The following NCSTN variants were observed in gnomAD, a reference collection of about 807,000 sequenced individuals.
The protein encoded by NCSTN is anterior pharynx-defective 2.
A neutral mutation model predicts 87.0 loss-of-function variants in NCSTN; 22 were observed. The observed-to-expected ratio is 0.25, with a 90% confidence interval of 0.18 to 0.36. The LOEUF is 0.36. NCSTN is among the 10% of genes least tolerant of loss of function. The pLI is 1.00. For synonymous variants in NCSTN, 306 were observed against 327.1 expected, an observed-to-expected ratio of 0.94 and a Z score of 0.69; for missense variants, 693 against 883.3, an observed-to-expected ratio of 0.78 and a Z score of 2.73.
In NCSTN at chr1:160,357,167, A is replaced by G; in HGVS notation, c.1921A>G (p.Ser641Gly). Residue 641 changes from serine (S) to glycine (G), a missense_variant, in exon 16 of 17, where the codon AGC (serine) becomes GGC (glycine). Ser to Gly is a moderately conservative substitution (Grantham distance 56, BLOSUM62 0). Transcript: ENST00000294785. The stretch of plus-strand genomic sequence containing the variant: ...TCCTGCCTTTGAACTGAGTCAGTGG[A>G]GCTCTACTGAATACTCTACATGGAC... ...LSPAFELSQW[S>G]STEYSTWTES... 6.2e-7 allele frequency: 1 copy of G among 1,614,038 alleles called. No homozygotes were observed. Among genetic ancestry groups the G allele is most frequent in the Non-Finnish European group, 8.5e-7 (1 of 1,180,000 alleles).
At chr1:160,357,384 T>C in intron 16 of NCSTN, 131 bp downstream of exon 16, 1 of 975,416 alleles carries the variant, frequency 1.0e-6, no homozygotes, top group African/African-American at 1.6e-5. Context: ...AATCTGTCCC[T>C]GGTCAGCCAG....
At position 160,352,177 on chromosome 1, in the gene NCSTN, C is replaced by T. The variant is rs199974273; in HGVS notation, c.967C>T (p.Arg323Cys). The T allele has an allele frequency of 1.9e-5, 30 of 1,614,000 alleles. No homozygotes were observed. The highest frequency in any genetic ancestry group is 2.3e-5 in the Non-Finnish European group (27 of 1,180,018). The change falls in exon 8 of 17, where the codon CGC becomes TGC. Residue 323 changes from arginine (R) to cysteine (C), a missense_variant. Physicochemically the swap from Arg to Cys is radical, Grantham distance 180. This residue lies in a region of NCSTN where 134 missense variants were observed against 226.0 expected (regional missense o/e 0.59). Transcript: ENST00000294785. ...GGCACCTGATGTGACCACCCTGCCC[C>T]GCAATGTCATGTTTGTCTTCTTTCA... The part of the protein sequence containing the change: ...QKAPDVTTLP[R>C]NVMFVFFQGE...
intron 7 of NCSTN, 63 bp from the exon 8 acceptor site, chr1:160,351,991 G>A: frequency 6.3e-7 from 1 of 1,589,460 alleles, no homozygotes; most frequent in Non-Finnish European, 8.6e-7. Context: ...ACTGGAGCAA[G>A]AAAGGAGGTT....
Position 160,351,138 on chromosome 1 carries a change from T to G in NCSTN, c.583-84T>G, listed in dbSNP as rs558914522. The stretch of plus-strand genomic sequence containing the variant: ...AGGGTGTGGCTCCATCCCAAAAGGA[T>G]GGAACTGGGCCCTCCTCCTTCTGGG... On this transcript the variant is annotated intron_variant, in intron 5 of 16. Coordinates refer to ENST00000294785, the MANE Select transcript of NCSTN (RefSeq NM_015331.3). 5.6e-6 allele frequency: 8 copies of G among 1,439,290 alleles called. No homozygotes were observed. In the South Asian group the frequency reaches 8.1e-5, roughly 14 times the overall value. The allele number at this position is 1,439,290 out of a possible 1,614,324, so 89.2% of individuals were successfully genotyped here.
intron 13 of NCSTN, 24 bp from the exon 14 acceptor site, chr1:160,356,236 C>T (rs750958084): frequency 7.0e-6 from 11 of 1,567,560 alleles, no homozygotes; most frequent in Admixed American, 1.7e-5. Context: ...ACAGGGTTTT[C>T]TCTCTTTACT....
chr1:160,348,967 G>A (rs775924350), intron 2 of NCSTN, 32 bp from the exon 3 acceptor site: 2 of 1,614,034 alleles, frequency 1.2e-6, no homozygotes, highest in Non-Finnish European at 1.7e-6. Flanking sequence ...TTAACTATGG[G>A]AGCTTTAATT....
At chr1:160,353,017 T>A (rs1455822364) in intron 9 of NCSTN, 26 bp downstream of exon 9, 1 of 1,600,530 alleles carries the variant, frequency 6.2e-7, no homozygotes, top group African/African-American at 1.3e-5. Flanking sequence ...CCCAGCCCCT[T>A]CCTTTTTAAT....
intron 2 of NCSTN, among the ~76,000 whole-genome samples, chr1:160,345,938 G>GAA (rs56358787): frequency 0.4 from 24,096 of 59,542 alleles, 5,566 homozygotes; most frequent in South Asian, 0.54. Context: ...GACACTGTCT[G>GAA]AAAAAAAAAA....
At chr1:160,357,005 A>T (rs201069543) in intron 15 of NCSTN, 36 bp from the exon 16 acceptor site, 25 of 1,566,634 alleles carry the variant, frequency 1.6e-5, no homozygotes, top group Non-Finnish European at 2.1e-5. Context: ...GAAGAGGATC[A>T]CCCTAGCCGT....
At chr1:160,344,664 A>G (rs1231157008) in intron 1 of NCSTN, 58 bp from the exon 2 acceptor site, 2 of 1,602,360 alleles carry the variant, frequency 1.2e-6, no homozygotes, top group Admixed American at 1.7e-5. Context: ...TAATGACACG[A>G]TAGAAGCTAG....
intron 10 of NCSTN, 91 bp from the exon 11 acceptor site, chr1:160,354,027 A>C: frequency 4.5e-6 from 6 of 1,334,578 alleles, no homozygotes; most frequent in Non-Finnish European, 6.4e-6. Context: ...CAAGCAGGGA[A>C]CTTGAAGTAT....
At chr1:160,349,959 G>T (rs1648746144) in intron 4 of NCSTN, 146 bp from the exon 5 acceptor site, 3 of 1,039,332 alleles carry the variant, frequency 2.9e-6, no homozygotes, top group Admixed American at 1.7e-5. Context: ...TAGTGTGGAT[G>T]GTAATAGACT....
chr1:160,350,120 C>G lies in NCSTN; in HGVS notation c.452C>G (p.Ser151Cys). The change falls in exon 5 of 17, where the codon TCC becomes TGC. Residue 151 changes from serine to cysteine, a missense_variant. Transcript: ENST00000294785. ...TTCCCTTCAGGTGTTTACTCCAATT[C>G]CTATGGGCCAGAGTTTGCTCACTGC... ...PNDGFGVYSN[S>C]YGPEFAHCRE... 1 of 1,614,090 alleles carries G rather than the reference C, an allele frequency of 6.2e-7. No homozygotes were observed. Among genetic ancestry groups the G allele is most frequent in the African/African-American group, 1.3e-5 (1 of 75,024 alleles).
At chr1:160,356,375 C>A in intron 14 of NCSTN, 28 bp downstream of exon 14, 1 of 1,552,082 alleles carries the variant, frequency 6.4e-7, no homozygotes, top group Non-Finnish European at 8.9e-7. Context: ...GAATGGGACC[C>A]TTAGCTGAGG....
intron 7 of NCSTN, 94 bp from the exon 8 acceptor site, chr1:160,351,959 AC>A: frequency 1.3e-6 from 2 of 1,542,556 alleles, no homozygotes. Context: ...CTCCATTGCC[AC>A]AGGACAGGTA....
intron 8 of NCSTN, 78 bp downstream of exon 8, chr1:160,352,284 A>G: frequency 6.3e-7 from 1 of 1,575,334 alleles, no homozygotes; most frequent in Non-Finnish European, 8.7e-7. Context: ...TGGTTGGAGA[A>G]GACCTCAGCA....
intron 11 of NCSTN, among the ~76,000 whole-genome samples, chr1:160,355,387 A>G (rs1649075623): frequency 6.6e-6 from 1 of 152,200 alleles, no homozygotes; most frequent in African/African-American, 2.4e-5. Context: ...GATGTAGAAG[A>G]GTCTCTCCTT....
At chr1:160,353,630 A>G in intron 10 of NCSTN, 1 of 1,180,558 alleles carries the variant, frequency 8.5e-7, no homozygotes, top group African/African-American at 1.6e-5. Flanking sequence ...GCTTGTTCAA[A>G]ACCTTCCCTT....
chr1:160,349,617 C>T lies in NCSTN; in HGVS notation c.383C>T (p.Pro128Leu), dbSNP rs1392820811. ...IAGLAVSLTK[P>L]SPASGFSPSV... The stretch of plus-strand genomic sequence containing the variant: ...GGTCTTGCAGTGTCCTTGACCAAGC[C>T]CAGTCCTGCCTCAGGCTTCTCTCCT... Residue 128 changes from proline (P) to leucine (L), a missense_variant, in exon 4 of 17, where the codon CCC becomes CTC. Pro to Leu is a moderately conservative substitution (Grantham distance 98). This residue lies in a region of NCSTN where 235 missense variants were observed against 233.9 expected (regional missense o/e 1.00). Transcript: ENST00000294785. The T allele has an allele frequency of 6.2e-7, 1 of 1,613,988 alleles. No homozygotes were observed.
Sources: allele counts gnomAD v4.1 joint callset (sites outside exome capture counted in the v4.1 genomes callset), GRCh38; gene constraint gnomAD v4.1.1; regional missense constraint gnomAD v4.1.1; transcripts MANE v1.5; gene names NCBI Gene and HGNC (gene_info 2026-07-23, HGNC 2026-07-21).